The following ELP4 variants were observed in gnomAD, a reference collection of about 807,000 sequenced individuals.
ELP4 encodes elongator acetyltransferase complex subunit 4.
ELP4 carries 51 observed loss-of-function variants against 48.9 expected under a neutral mutation model. The observed-to-expected ratio is 1.04, with a 90% CI of 0.83 to 1.32. ELP4 has a LOEUF of 1.32. ELP4 is among the 40% of genes most tolerant of loss of function. The pLI is 0.00. For missense variants in ELP4, 519 were observed against 514.6 expected, an observed-to-expected ratio of 1.01 and a Z score of -0.08; for synonymous variants, 210 against 189.2, an observed-to-expected ratio of 1.11 and a Z score of -0.90.
intron 4 of ELP4, among the ~76,000 whole-genome samples, chr11:31,596,210 C>T (rs1230170705): frequency 1.3e-5 from 2 of 152,128 alleles, no homozygotes; most frequent in Non-Finnish European, 2.9e-5. Flanking sequence ...CAAGACCAGC[C>T]TAGCCAAGAT....
chr11:31,529,294 G>A (rs1163067520), intron 2 of ELP4, among the ~76,000 whole-genome samples: 1 of 152,004 alleles, frequency 6.6e-6, no homozygotes, highest in Non-Finnish European at 1.5e-5. Context: ...AAGAAGACAA[G>A]GTCTTAAGTT....
intron 9 of ELP4, among the ~76,000 whole-genome samples, chr11:31,779,139 A>C (rs954482601): frequency 6.6e-6 from 1 of 152,276 alleles, no homozygotes; most frequent in African/African-American, 2.4e-5. Context: ...GAAATGTCAG[A>C]AATTTTTAAA....
At chr11:31,734,100 A>G (rs879654911) in intron 9 of ELP4, among the ~76,000 whole-genome samples, 8 of 152,270 alleles carry the variant, frequency 5.3e-5, no homozygotes, top group African/African-American at 4.8e-5. Context: ...ACATTAACAG[A>G]TTGAGGGATG....
At chr11:31,571,546 C>T (rs1270142930) in intron 3 of ELP4, among the ~76,000 whole-genome samples, 1 of 152,316 alleles carries the variant, frequency 6.6e-6, no homozygotes, top group African/African-American at 2.4e-5. Context: ...ATTCTTATGG[C>T]AGCTAGAATA....
At chr11:31,748,692 G>C (rs1237070510) in intron 9 of ELP4, among the ~76,000 whole-genome samples, 2 of 152,040 alleles carry the variant, frequency 1.3e-5, no homozygotes, top group Non-Finnish European at 2.9e-5. Flanking sequence ...GACAGAAAAG[G>C]CTAGTAGACA....
chr11:31,614,895 A>G (rs1311401645), intron 5 of ELP4, among the ~76,000 whole-genome samples: 1 of 152,170 alleles, frequency 6.6e-6, no homozygotes, highest in African/African-American at 2.4e-5. Context: ...GAAGAGAACA[A>G]ATGACAACTG....
intron 3 of ELP4, among the ~76,000 whole-genome samples, chr11:31,553,925 C>T (rs1956891883): frequency 6.6e-6 from 1 of 152,180 alleles, no homozygotes; most frequent in Non-Finnish European, 1.5e-5. Context: ...GTATTTACAG[C>T]TGCTCCCCAT....
intron 7 of ELP4, among the ~76,000 whole-genome samples, chr11:31,642,837 G>A (rs1411697577): frequency 6.6e-6 from 1 of 151,736 alleles, no homozygotes; most frequent in Admixed American, 6.6e-5. Flanking sequence ...GAGGAAGTGG[G>A]ACAAGTTTGT....
chr11:31,569,528 A>T (rs943878547), intron 3 of ELP4, among the ~76,000 whole-genome samples: 4 of 152,266 alleles, frequency 2.6e-5, no homozygotes, highest in South Asian at 4.2e-4. Context: ...AGGTGAGTGG[A>T]TTACCTGAGG....
At chr11:31,531,799 T>A (rs1192892232) in intron 2 of ELP4, among the ~76,000 whole-genome samples, 1 of 152,158 alleles carries the variant, frequency 6.6e-6, no homozygotes, top group East Asian at 1.9e-4. Flanking sequence ...AAATATACTC[T>A]TGAGTAATGT....
At chr11:31,647,577 T>G in intron 7 of ELP4, 164 bp from the exon 8 acceptor site, 1 of 512,084 alleles carries the variant, frequency 2.0e-6, no homozygotes, top group East Asian at 3.2e-5. Flanking sequence ...AAGGGCATAT[T>G]TCCATCCAGT....
intron 9 of ELP4, among the ~76,000 whole-genome samples, chr11:31,757,262 T>G (rs1947852291): frequency 6.6e-6 from 1 of 152,172 alleles, no homozygotes; most frequent in Non-Finnish European, 1.5e-5. Flanking sequence ...GTTTTGAGTC[T>G]ACCTAAGGAA....
intron 9 of ELP4, among the ~76,000 whole-genome samples, chr11:31,672,918 T>C (rs1267436699): frequency 6.6e-6 from 1 of 152,220 alleles, no homozygotes; most frequent in African/African-American, 2.4e-5. Flanking sequence ...TAAGTTTAAG[T>C]TGATGGTATT....
At chr11:31,572,702 A>C (rs1284763377) in intron 3 of ELP4, among the ~76,000 whole-genome samples, 1 of 152,138 alleles carries the variant, frequency 6.6e-6, no homozygotes, top group Non-Finnish European at 1.5e-5. Flanking sequence ...TATTAATGTA[A>C]AAAAGGTTTG....
intron 3 of ELP4, among the ~76,000 whole-genome samples, chr11:31,563,273 G>A (rs946506331): frequency 1.3e-5 from 2 of 152,090 alleles, no homozygotes; most frequent in African/African-American, 4.8e-5. Flanking sequence ...TTGGTGTAAT[G>A]CATTGGTGAT....
At chr11:31,733,675 T>C (rs1031830565) in intron 9 of ELP4, among the ~76,000 whole-genome samples, 2 of 152,106 alleles carry the variant, frequency 1.3e-5, no homozygotes, top group African/African-American at 4.8e-5. Context: ...TGAAGAATTT[T>C]AAAGCCTAAA....
At chr11:31,570,172 A>G (rs1458164135) in intron 3 of ELP4, among the ~76,000 whole-genome samples, 2 of 152,238 alleles carry the variant, frequency 1.3e-5, no homozygotes, top group African/African-American at 4.8e-5. Context: ...ATGGAATACT[A>G]TGCAGCCATA....
In ELP4 at chr11:31,790,232, G is replaced by A; in HGVS notation, c.*6708G>A. 2 of 529,422 alleles carry A rather than the reference G, an allele frequency of 3.8e-6. No individual in the cohort carries two copies. The highest frequency in any genetic ancestry group is 6.4e-6 in the Non-Finnish European group (2 of 310,730). The allele number at this position is 529,422 out of a possible 1,614,324, so 32.8% of individuals were successfully genotyped here. On this transcript the variant is annotated 3_prime_UTR_variant, in exon 10 of 10. Transcript: ENST00000640961. ...TGTATATATACCTATTGGATCCCAA[G>A]TACCCCCCACCCCAATCCAAAGGAA...
At chr11:31,634,592 C>T (rs1452762973) in intron 7 of ELP4, among the ~76,000 whole-genome samples, 2 of 151,878 alleles carry the variant, frequency 1.3e-5, no homozygotes, top group African/African-American at 4.8e-5. Flanking sequence ...TTTAAGGGAA[C>T]AGCAGATTCT....
Sources: allele counts gnomAD v4.1 joint callset (sites outside exome capture counted in the v4.1 genomes callset), GRCh38; gene constraint gnomAD v4.1.1; transcripts MANE v1.5; gene names NCBI Gene and HGNC (gene_info 2026-07-23, HGNC 2026-07-21).